PCDHA4: variants seen among roughly 807,000 people sequenced by gnomAD.
PCDHA4 encodes protocadherin alpha 4.
In PCDHA4, 49 loss-of-function variants were observed where a neutral mutation model predicts 61.4. The observed-to-expected ratio is 0.80, with a 90% CI of 0.63 to 1.01. PCDHA4 has a LOEUF of 1.01. Among genes scored for constraint, PCDHA4 ranks in the 50% least tolerant of loss-of-function variants. PCDHA4 has a pLI of 0.00. For synonymous variants in PCDHA4, 590 were observed against 550.3 expected, an observed-to-expected ratio of 1.07 and a Z score of -1.01; for missense variants, 1,254 against 1,235.8, an observed-to-expected ratio of 1.01 and a Z score of -0.22.
rs2150121871 is a variant in PCDHA4, at chr5:140,823,063, G to A, written c.2385+13491G>A. The A allele has an allele frequency of 1.8e-5, 29 of 1,614,140 alleles. No homozygotes were observed. Among genetic ancestry groups the A allele is most frequent in the Non-Finnish European group, 2.5e-5 (29 of 1,180,050 alleles). ...GCTGGTGGTGACCGCGCGGGACGGG[G>A]GCTCGCCTTCGCTGTGGGCCACCGC... On this transcript the variant is annotated intron_variant, in intron 1 of 3. Transcript: ENST00000530339.
intron 1 of PCDHA4, among the ~76,000 whole-genome samples, chr5:140,956,898 T>G (rs1554222699): frequency 6.6e-6 from 1 of 152,218 alleles, no homozygotes; most frequent in Admixed American, 6.6e-5. Flanking sequence ...ATGAATATTC[T>G]TAAATGTATA....
chr5:140,873,292 T>C (rs1399834963), intron 1 of PCDHA4, among the ~76,000 whole-genome samples: 1 of 152,210 alleles, frequency 6.6e-6, no homozygotes, highest in Admixed American at 6.5e-5. Context: ...TATGAAACTT[T>C]ATAAATATAA....
chr5:140,821,522 C>A, intron 1 of PCDHA4: 3 of 409,570 alleles, frequency 7.3e-6, no homozygotes, highest in East Asian at 3.9e-5. Flanking sequence ...TAAAGCAAAA[C>A]AAAATAAAAC....
At chr5:140,843,524 G>A (rs2150361987) in intron 1 of PCDHA4, 4 of 1,595,982 alleles carry the variant, frequency 2.5e-6, no homozygotes, top group East Asian at 4.5e-5. Flanking sequence ...GTGCCGGGCG[G>A]GCAAGCCCAC....
intron 1 of PCDHA4, chr5:140,968,000 C>T: frequency 1.2e-6 from 2 of 1,614,234 alleles, no homozygotes; most frequent in Non-Finnish European, 8.5e-7. Context: ...GCCTTTCCGA[C>T]TGAATGGCTT....
At chr5:141,002,557 CAGTT>C (rs2098085452) in intron 3 of PCDHA4, among the ~76,000 whole-genome samples, 1 of 152,180 alleles carries the variant, frequency 6.6e-6, no homozygotes, top group South Asian at 2.1e-4. Flanking sequence ...CAGGATCCAC[CAGTT>C]AGTGACCATG....
chr5:140,870,892 G>T, intron 1 of PCDHA4: 4 of 1,613,960 alleles, frequency 2.5e-6, no homozygotes, highest in Non-Finnish European at 3.4e-6. Flanking sequence ...GCGCGCAGTG[G>T]ATGCGGACTC....
chr5:140,936,312 C>A (rs2090900162), intron 1 of PCDHA4, among the ~76,000 whole-genome samples: 1 of 152,166 alleles, frequency 6.6e-6, no homozygotes, highest in Non-Finnish European at 1.5e-5. Context: ...ATAGAACTTT[C>A]TGACATGCTA....
At chr5:140,828,142 G>T in intron 1 of PCDHA4, 1 of 1,613,968 alleles carries the variant, frequency 6.2e-7, no homozygotes, top group Non-Finnish European at 8.5e-7. Flanking sequence ...TGCTCCTCCC[G>T]CTTCTGCTCC....
At chr5:140,989,462 G>A (rs531421005) in intron 3 of PCDHA4, among the ~76,000 whole-genome samples, 27 of 152,326 alleles carry the variant, frequency 1.8e-4, no homozygotes, top group Non-Finnish European at 2.9e-4. Context: ...GTTAGGCTTG[G>A]AACTCCTCCT....
At chr5:140,910,116 A>C (rs1205054200) in intron 1 of PCDHA4, among the ~76,000 whole-genome samples, 1 of 152,222 alleles carries the variant, frequency 6.6e-6, no homozygotes, top group Non-Finnish European at 1.5e-5. Flanking sequence ...AAGGGATTCT[A>C]GGTCTGTAAA....
chr5:140,888,611 G>T (rs1554183538), intron 1 of PCDHA4, among the ~76,000 whole-genome samples: 1 of 152,144 alleles, frequency 6.6e-6, no homozygotes, highest in Non-Finnish European at 1.5e-5. Context: ...TTTTAGTGTA[G>T]CACTAATTCG....
chr5:140,884,105 C>T, intron 1 of PCDHA4: 2 of 1,613,466 alleles, frequency 1.2e-6, no homozygotes, highest in South Asian at 2.2e-5. Flanking sequence ...TGAATTGCAG[C>T]TGGCGGCGGT....
intron 1 of PCDHA4, among the ~76,000 whole-genome samples, chr5:140,953,512 C>G (rs2094896275): frequency 6.6e-6 from 1 of 152,106 alleles, no homozygotes; most frequent in Non-Finnish European, 1.5e-5. Context: ...TAGGCCAAAG[C>G]AACAAAAACG....
rs2150386849 is a variant in PCDHA4, at chr5:140,846,316, A to G, written c.2385+36744A>G. ...TGAATTAAGTAAACCATTTATGTAG[A>G]GTGTTGTAAATAGCCTTTTAAAGTG... On this transcript the variant is annotated intron_variant, in intron 1 of 3. Transcript: ENST00000530339. 2.4e-3 allele frequency among the ~76,000 whole-genome samples: 359 copies of G among 147,560 alleles called. 12 individuals carry two copies. Among genetic ancestry groups the G allele is most frequent in the African/African-American group, 8.0e-3 (325 of 40,542 alleles).
intron 1 of PCDHA4, among the ~76,000 whole-genome samples, chr5:140,970,553 C>T (rs1349644785): frequency 5.9e-5 from 9 of 152,122 alleles, no homozygotes; most frequent in South Asian, 2.1e-4. Flanking sequence ...GTTGTGTGTT[C>T]GTCTCCATAT....
At chr5:140,829,507 C>G in intron 1 of PCDHA4, 1 of 1,613,584 alleles carries the variant, frequency 6.2e-7, no homozygotes, top group Admixed American at 1.7e-5. Context: ...CGCCGGGCTG[C>G]CACATCTTCA....
rs1472527359 is a variant in PCDHA4, at chr5:140,808,697, C to T, written c.1510C>T (p.Leu504=). ...LVERRVGERA[L]SSYVSVHAES... Reference sequence around the variant, plus strand: ...AGAGCGGCGGGTAGGGGAGCGCGCGCTGTCGAGCTACGTTTCGGTGCATGC... The same window carrying T: ...AGAGCGGCGGGTAGGGGAGCGCGCGTTGTCGAGCTACGTTTCGGTGCATGC... The change falls in exon 1 of 4, where the codon CTG becomes TTG. Residue 504 remains leucine (L), a synonymous_variant. Transcript: ENST00000530339. 1 of 1,612,106 alleles carries T rather than the reference C, an allele frequency of 6.2e-7. No individual in the cohort carries two copies. The highest frequency in any genetic ancestry group is 8.5e-7 in the Non-Finnish European group (1 of 1,179,826).
chr5:140,928,736 T>C, intron 1 of PCDHA4: 1 of 1,614,174 alleles, frequency 6.2e-7, no homozygotes, highest in Non-Finnish European at 8.5e-7. Flanking sequence ...TCAGCCAATA[T>C]AGGTGAGCTC....
Sources: gnomAD v4.1 joint callset for allele counts (sites outside exome capture counted in the v4.1 genomes callset) on GRCh38, gnomAD v4.1.1 for gene constraint, MANE v1.5 for transcripts, NCBI Gene and HGNC (gene_info 2026-07-23, HGNC 2026-07-21) for gene names.